VCL: variants seen among roughly 807,000 people sequenced by gnomAD.
VCL encodes the protein epididymis luminal protein 114.
VCL carries 47 observed loss-of-function variants against 125.7 expected under a neutral mutation model. The observed-to-expected ratio is 0.37, with a 90% CI of 0.30 to 0.48. The LOEUF is 0.48. Ranked by LOEUF, VCL falls within the 20% of genes least tolerant of loss-of-function variation. VCL has a pLI of 0.99. For synonymous variants in VCL, 458 were observed against 514.6 expected (o/e 0.89, Z 1.49); for missense variants, 1,069 against 1,455.5 (o/e 0.73, Z 4.32).
At chr10:74,035,881 T>C (rs1840966658) in intron 1 of VCL, among the ~76,000 whole-genome samples, 1 of 152,230 alleles carries the variant, frequency 6.6e-6, no homozygotes, top group African/African-American at 2.4e-5. Context: ...CTTTATTCCC[T>C]AAACAATACA....
intron 2 of VCL, among the ~76,000 whole-genome samples, chr10:74,066,294 G>C (rs377345308): frequency 1.3e-5 from 2 of 151,904 alleles, no homozygotes; most frequent in East Asian, 3.9e-4. Context: ...CCCGACCTCA[G>C]GTGATCTGCC....
intron 19 of VCL, 110 bp from the exon 20 acceptor site, chr10:74,114,074 G>A (rs890275951): frequency 6.2e-6 from 8 of 1,286,568 alleles, no homozygotes; most frequent in African/African-American, 2.9e-5. Flanking sequence ...TCACCCTTCC[G>A]GAGGGATGCT....
chr10:74,083,859 TTTTGTTTGTTTGTTTG>T, intron 8 of VCL, among the ~76,000 whole-genome samples: 1 of 150,640 alleles, frequency 6.6e-6, no homozygotes, highest in Non-Finnish European at 1.5e-5. Flanking sequence ...ACCTGGCTAA[TTTTGTTTGTTTGTTTG>T]TTTGTTTGTT....
intron 16 of VCL, 90 bp from the exon 17 acceptor site, chr10:74,107,140 T>C: frequency 6.2e-7 from 1 of 1,607,716 alleles, no homozygotes; most frequent in Non-Finnish European, 8.5e-7. Context: ...CACATCCAGC[T>C]TTTGTTCATG....
chr10:74,114,023 T>C (rs1840271803), intron 19 of VCL, among the ~76,000 whole-genome samples, 161 bp from the exon 20 acceptor site: 1 of 152,048 alleles, frequency 6.6e-6, no homozygotes, highest in African/African-American at 2.4e-5. Context: ...TTTCTTCCAG[T>C]GCTATCCGTA....
rs1254338251 is a variant in VCL at position 74,101,060 on chromosome 10, A to G, written c.1985A>G (p.Gln662Arg). 2 of 1,613,750 alleles carry G rather than the reference A, an allele frequency of 1.2e-6. No individual in the cohort carries two copies. Among genetic ancestry groups the G allele is most frequent in the Admixed American group, 3.3e-5 (2 of 59,998 alleles). Residue 662 changes from glutamine (Q) to arginine (R), a missense_variant, in exon 14 of 22, where the codon CAG becomes CGG. Coordinates refer to ENST00000211998, the MANE Select transcript of VCL (RefSeq NM_014000.3). ...AATAAATCAACAGTGGAAGGCATTC[A>G]GGCCTCAGTGAAGACGGCCCGAGAA... ...TANKSTVEGIQASVKTARELT... is the reference protein window; with the variant it reads ...TANKSTVEGIRASVKTARELT...
intron 1 of VCL, among the ~76,000 whole-genome samples, chr10:74,033,212 C>G (rs1840914111): frequency 6.6e-6 from 1 of 152,146 alleles, no homozygotes; most frequent in Non-Finnish European, 1.5e-5. Flanking sequence ...AAATGAAGTA[C>G]TGATACATAG....
At chr10:74,072,681 C>T (rs765895244) in intron 4 of VCL, 49 bp from the exon 5 acceptor site, 96 of 1,613,044 alleles carry the variant, frequency 6.0e-5, no homozygotes, top group East Asian at 6.7e-5. Context: ...AAGCCAGACC[C>T]GGGATTGTTT....
intron 21 of VCL, 68 bp downstream of exon 21, chr10:74,114,967 C>A: frequency 6.9e-7 from 1 of 1,442,706 alleles, no homozygotes; most frequent in Non-Finnish European, 9.5e-7. Flanking sequence ...TTTAACTCTG[C>A]TTTGGGGAAA....
chr10:74,109,189 A>G (rs750246940), intron 18 of VCL, 33 bp downstream of exon 18: 3 of 1,613,222 alleles, frequency 1.9e-6, no homozygotes, highest in East Asian at 2.2e-5. Context: ...TTGAGAAAGG[A>G]TGTCTTCTCG....
intron 1 of VCL, among the ~76,000 whole-genome samples, chr10:74,016,247 G>A (rs1480499169): frequency 6.6e-6 from 1 of 151,950 alleles, no homozygotes; most frequent in South Asian, 2.1e-4. Flanking sequence ...CTTGTTGTTC[G>A]TGTTGTTTTC....
chr10:74,057,259 T>TAA (rs1375046946), intron 2 of VCL, among the ~76,000 whole-genome samples: 1 of 151,532 alleles, frequency 6.6e-6, no homozygotes, highest in Non-Finnish European at 1.5e-5. Context: ...TTTTATTATT[T>TAA]AAAAAAAAAT....
chr10:74,017,797 GTTGT>G (rs1280131950), intron 1 of VCL, among the ~76,000 whole-genome samples: 2 of 151,872 alleles, frequency 1.3e-5, no homozygotes, highest in Middle Eastern at 3.2e-3. Context: ...TGTTGTTCTT[GTTGT>G]TTTTCTTGGA....
chr10:74,041,528 A>G (rs1841093461), intron 1 of VCL, among the ~76,000 whole-genome samples: 1 of 152,206 alleles, frequency 6.6e-6, no homozygotes, highest in Non-Finnish European at 1.5e-5. Context: ...TCTGACCATT[A>G]CTATTTGGAA....
At chr10:74,010,108 AGAG>A (rs549932112) in intron 1 of VCL, among the ~76,000 whole-genome samples, 192 of 152,062 alleles carry the variant, frequency 1.3e-3, no homozygotes, top group African/African-American at 4.5e-3. Context: ...TATTTTTAGT[AGAG>A]ACAGAGTTTT....
At chr10:74,022,503 GC>G (rs1413862088) in intron 1 of VCL, among the ~76,000 whole-genome samples, 1 of 151,454 alleles carries the variant, frequency 6.6e-6, no homozygotes, top group African/African-American at 2.4e-5. Flanking sequence ...CCAAGATTGC[GC>G]CATTGAACTC....
At chr10:74,100,923 T>C in intron 13 of VCL, 25 bp from the exon 14 acceptor site, 1 of 1,613,572 alleles carries the variant, frequency 6.2e-7, no homozygotes, top group South Asian at 1.1e-5. Flanking sequence ...AAATAAATGT[T>C]CTTAATATCT....
chr10:74,037,036 G>A (rs1221260184), intron 1 of VCL, among the ~76,000 whole-genome samples: 3 of 151,452 alleles, frequency 2.0e-5, no homozygotes, highest in Admixed American at 6.6e-5. Flanking sequence ...TCAGCCTCCC[G>A]AGTAGCTGGG....
At chr10:74,014,787 C>T (rs1439619732) in intron 1 of VCL, among the ~76,000 whole-genome samples, 1 of 152,176 alleles carries the variant, frequency 6.6e-6, no homozygotes, top group African/African-American at 2.4e-5. Flanking sequence ...CTCCACCTCC[C>T]AGGCTCAAGC....
Sources: allele counts gnomAD v4.1 joint callset (sites outside exome capture counted in the v4.1 genomes callset), GRCh38; gene constraint gnomAD v4.1.1; transcripts MANE v1.5; gene names NCBI Gene and HGNC (gene_info 2026-07-23, HGNC 2026-07-21).